IRAK3: variants seen among roughly 807,000 people sequenced by gnomAD.
The protein encoded by IRAK3 is interleukin-1 receptor-associated kinase 3.
In IRAK3, 57 loss-of-function variants were observed where a neutral mutation model predicts 56.6. The ratio of observed to expected loss-of-function variants is 1.01; its 90% CI spans 0.81 to 1.26. IRAK3 has a LOEUF of 1.26. IRAK3 is among the 50% of genes most tolerant of loss of function. IRAK3 has a pLI of 0.00. For missense variants in IRAK3, 703 were observed against 719.0 expected, an observed-to-expected ratio of 0.98 and a Z score of 0.25; for synonymous variants, 258 against 255.7, an observed-to-expected ratio of 1.01 and a Z score of -0.09.
Position 66,220,560 on chromosome 12 carries a change from G to A in IRAK3, c.653+3325G>A, listed in dbSNP as rs1182919. On this transcript the variant is annotated intron_variant, in intron 6 of 11. Transcript: ENST00000261233. ...TTTTGAGACGGAGTCTCGCTCTGTCGCCCAGGCTGGAGTGCAGTGGCGGGA... is the reference window on the plus strand; with the variant it reads ...TTTTGAGACGGAGTCTCGCTCTGTCACCCAGGCTGGAGTGCAGTGGCGGGA... Among the ~76,000 whole-genome samples, 727 of 111,716 alleles carry A rather than the reference G, an allele frequency of 6.5e-3. 19 individuals are homozygous for A. The highest frequency in any genetic ancestry group is 0.025 in the African/African-American group (690 of 27,676). 73.3% of individuals were successfully genotyped at this position (111,716 alleles called of 152,430 possible). A position where few individuals can be genotyped will look rare whatever the true frequency, so the allele number is the denominator to read the frequency against.
rs375772585 is a variant in IRAK3, at chr12:66,219,033, CGT to C, written c.653+1813_653+1814del. On this transcript the variant is annotated intron_variant, in intron 6 of 11. Transcript: ENST00000261233. ...TTTTTATGGCTGAATAATATTCCAT[CGT>C]GTGTGTGTGTGTGTATGTGTGTGTG... Among the ~76,000 whole-genome samples, 67 of 149,282 alleles carry C rather than the reference CGT, an allele frequency of 4.5e-4. 1 individual carries two copies. In the Middle Eastern group the frequency reaches 0.01, roughly 23 times the overall value.
chr12:66,218,141 CA>C (rs1272055634), intron 6 of IRAK3, among the ~76,000 whole-genome samples: 3 of 152,148 alleles, frequency 2.0e-5, no homozygotes, highest in African/African-American at 7.2e-5. Flanking sequence ...TCCAAAGTAA[CA>C]GTATTACCAG....
chr12:66,227,006 A>C (rs2052793765), intron 7 of IRAK3, among the ~76,000 whole-genome samples, 169 bp downstream of exon 7: 1 of 152,154 alleles, frequency 6.6e-6, no homozygotes, highest in Admixed American at 6.5e-5. Flanking sequence ...TTACTTTTAG[A>C]AGGCTGAGCA....
At position 66,191,316 on chromosome 12, in the gene IRAK3, G is replaced by T. The variant is rs992607438; in HGVS notation, c.133+1884G>T. On this transcript the variant is annotated intron_variant, in intron 1 of 11. Coordinates refer to ENST00000261233, the MANE Select transcript of IRAK3 (RefSeq NM_007199.3). ...TTCAAGTCCTGGCCATTTGAGACAGGTTGCTACAGGGGTTCTTGTTTGGCT... is the reference window on the plus strand; with the variant it reads ...TTCAAGTCCTGGCCATTTGAGACAGTTTGCTACAGGGGTTCTTGTTTGGCT... Among the ~76,000 whole-genome samples the T allele has an allele frequency of 2.0e-5, 3 of 152,190 alleles. No homozygotes were observed. The South Asian group carries it at 6.2e-4, about 31-fold the overall frequency.
At chr12:66,237,302 T>G (rs1328388626) in intron 8 of IRAK3, among the ~76,000 whole-genome samples, 1 of 152,188 alleles carries the variant, frequency 6.6e-6, no homozygotes, top group Non-Finnish European at 1.5e-5. Context: ...ACTTGAACCC[T>G]TGCTGTATGG....
intron 8 of IRAK3, chr12:66,235,211 A>G (rs1352962516): frequency 1.2e-6 from 2 of 1,612,454 alleles, no homozygotes; most frequent in Non-Finnish European, 8.5e-7. Context: ...GGCTGGGACC[A>G]GAGACTGCTG....
Position 66,248,307 on chromosome 12 carries a change from A to T in IRAK3, c.*136A>T, listed in dbSNP as rs543849745. On this transcript the variant is annotated 3_prime_UTR_variant, in exon 12 of 12. Coordinates refer to ENST00000261233, the MANE Select transcript of IRAK3 (RefSeq NM_007199.3). ...TGAGTTTGGGTGATGCAGATAAACA[A>T]TCTGGATAATTCCATTTCTTTTTTC... is the stretch of plus-strand genomic sequence containing the variant. 1 of 661,030 alleles carries T rather than the reference A, an allele frequency of 1.5e-6. No individual in the cohort carries two copies. The highest frequency in any genetic ancestry group is 1.8e-5 in the African/African-American group (1 of 55,508). 40.9% of individuals were successfully genotyped at this position (661,030 alleles called of 1,614,324 possible).
chr12:66,189,366 G>T lies in IRAK3; in HGVS notation c.67G>T (p.Ala23Ser). Reference sequence around the variant, plus strand: ...CACGCTGCTGTTCGACCTGCCGCCCGCGCTGCTCGGAGAGCTCTGCGCTGT... The same window carrying T: ...CACGCTGCTGTTCGACCTGCCGCCCTCGCTGCTCGGAGAGCTCTGCGCTGT... ...AHTLLFDLPP[A>S]LLGELCAVLD... The change falls in exon 1 of 12, where the codon GCG (alanine) becomes TCG (serine). Residue 23 changes from alanine to serine, a missense_variant. Ala to Ser is a moderately conservative substitution (Grantham distance 99). Coordinates refer to ENST00000261233, the MANE Select transcript of IRAK3 (RefSeq NM_007199.3). The T allele has an allele frequency of 6.5e-7, 1 of 1,530,452 alleles. No homozygotes were observed. The highest frequency in any genetic ancestry group is 8.7e-7 in the Non-Finnish European group (1 of 1,144,690). 94.8% of individuals were successfully genotyped at this position (1,530,452 alleles called of 1,614,324 possible).
intron 5 of IRAK3, among the ~76,000 whole-genome samples, chr12:66,216,084 G>A (rs916876324): frequency 6.6e-6 from 1 of 152,114 alleles, no homozygotes; most frequent in Non-Finnish European, 1.5e-5. Flanking sequence ...TAATGAAGCT[G>A]GGGTTTTTTG....
At chr12:66,242,373 G>A (rs557881714) in intron 8 of IRAK3, among the ~76,000 whole-genome samples, 9 of 152,334 alleles carry the variant, frequency 5.9e-5, no homozygotes, top group Non-Finnish European at 1.0e-4. Context: ...GGGAAGAAGT[G>A]ATTATGAACT....
At chr12:66,246,202 G>A (rs2053031906) in intron 11 of IRAK3, among the ~76,000 whole-genome samples, 1 of 152,118 alleles carries the variant, frequency 6.6e-6, no homozygotes, top group South Asian at 2.1e-4. Flanking sequence ...GTTGGATTTA[G>A]GCAGCAGTAA....
Position 66,210,175 on chromosome 12 carries a change from T to A in IRAK3, c.410T>A (p.Val137Asp). 1.2e-6 allele frequency: 2 copies of A among 1,603,266 alleles called. No homozygotes were observed. The highest frequency in any genetic ancestry group is 1.7e-6 in the Non-Finnish European group (2 of 1,170,260). Residue 137 changes from valine to aspartate, a missense_variant, in exon 4 of 12, where the codon GTT becomes GAT. Physicochemically the swap from Val to Asp is radical, Grantham distance 152 (BLOSUM62 -3). Coordinates refer to ENST00000261233, the MANE Select transcript of IRAK3 (RefSeq NM_007199.3). ...KETANVTVDNVLIPEHNEKGI... is the reference protein window; with the variant it reads ...KETANVTVDNDLIPEHNEKGI... ...ACAGCCAATGTCACCGTGGATAATG[T>A]TCTTATTCCTGAACATAATGAAAAA...
At chr12:66,242,575 G>A (rs1254148743) in intron 8 of IRAK3, among the ~76,000 whole-genome samples, 1 of 152,144 alleles carries the variant, frequency 6.6e-6, no homozygotes, top group Non-Finnish European at 1.5e-5. Flanking sequence ...GAAGGGAGAA[G>A]GCAAGGAGAG....
At chr12:66,225,651 A>G (rs2052778168) in intron 6 of IRAK3, among the ~76,000 whole-genome samples, 1 of 152,114 alleles carries the variant, frequency 6.6e-6, no homozygotes, top group South Asian at 2.1e-4. Flanking sequence ...TGAATTTCAC[A>G]TTTTATATTT....
intron 1 of IRAK3, chr12:66,198,346 T>G (rs532316998): frequency 6.5e-6 from 1 of 152,710 alleles, no homozygotes; most frequent in Non-Finnish European, 1.5e-5. Flanking sequence ...TTCTTTAACG[T>G]GAACACTCTG....
At position 66,203,911 on chromosome 12, in the gene IRAK3, T is replaced by C. The variant is rs778288684; in HGVS notation, c.316+18T>C. 4.3e-5 allele frequency: 69 copies of C among 1,600,272 alleles called. No individual in the cohort carries two copies. The highest frequency in any genetic ancestry group is 3.3e-4 in the Admixed American group (20 of 59,950). ...AAACTATGGTAAATGCTGATTCTTA[T>C]AATGTGGCTCTTAATCTGTAATAGG... On this transcript the variant is annotated intron_variant, in intron 2 of 11. Transcript: ENST00000261233.
At position 66,198,723 on chromosome 12, in the gene IRAK3, A is replaced by T. The variant is rs537375489; in HGVS notation, c.134-4988A>T. Reference sequence around the variant, plus strand: ...GGATGCCTAATACTATGTAAATATTAGTCAATTAATTTTCTTTTCCTTCTC... The same window carrying T: ...GGATGCCTAATACTATGTAAATATTTGTCAATTAATTTTCTTTTCCTTCTC... On this transcript the variant is annotated intron_variant, in intron 1 of 11. Transcript: ENST00000261233. Among the ~76,000 whole-genome samples the T allele has an allele frequency of 3.3e-5, 5 of 151,364 alleles. No individual in the cohort carries two copies. The East Asian group carries it at 9.7e-4, about 29-fold the overall frequency.
intron 8 of IRAK3, among the ~76,000 whole-genome samples, chr12:66,244,182 G>A (rs927219666): frequency 6.6e-6 from 1 of 152,200 alleles, no homozygotes; most frequent in African/African-American, 2.4e-5. Flanking sequence ...AGCTGTTTTG[G>A]TTAACTTCAG....
At chr12:66,242,297 C>T (rs903295934) in intron 8 of IRAK3, among the ~76,000 whole-genome samples, 1 of 152,206 alleles carries the variant, frequency 6.6e-6, no homozygotes, top group Non-Finnish European at 1.5e-5. Flanking sequence ...GCCCCCAGGA[C>T]TCTGAAACCC....
Sources: gnomAD v4.1 joint callset for allele counts (sites outside exome capture counted in the v4.1 genomes callset) on GRCh38, gnomAD v4.1.1 for gene constraint, MANE v1.5 for transcripts, NCBI Gene and HGNC (gene_info 2026-07-23, HGNC 2026-07-21) for gene names.